Variants in SKA2 observed in about 807,000 individuals in gnomAD.
SKA2 encodes spindle and kinetochore-associated protein 2.
SKA2 carries 13 observed loss-of-function variants against 16.9 expected under a neutral mutation model. The observed-to-expected ratio is 0.77, with a 90% CI of 0.50 to 1.22. The LOEUF (loss-of-function observed/expected upper bound fraction) is 1.22, where lower values mean the gene tolerates loss of function less well. Ranked by LOEUF, SKA2 falls within the 50% of genes most tolerant of loss-of-function variation. SKA2 has a pLI of 0.00. For synonymous variants in SKA2, 47 were observed against 48.5 expected, an observed-to-expected ratio of 0.97 and a Z score of 0.13; for missense variants, 107 against 139.7, an observed-to-expected ratio of 0.77 and a Z score of 1.18.
At chr17:59,126,027 C>T (rs1368276212) in intron 2 of SKA2, among the ~76,000 whole-genome samples, 4 of 151,960 alleles carry the variant, frequency 2.6e-5, no homozygotes, top group South Asian at 2.1e-4. Flanking sequence ...AAAAATTAGC[C>T]GGGCTTGGTG....
chr17:59,112,928 A>G (rs954553851), intron 3 of SKA2, among the ~76,000 whole-genome samples: 4 of 151,976 alleles, frequency 2.6e-5, no homozygotes, highest in East Asian at 3.9e-4. Flanking sequence ...TTTGTTTTCT[A>G]TTTTTGAAAC....
intron 1 of SKA2, among the ~76,000 whole-genome samples, chr17:59,137,561 G>C (rs1170555877): frequency 6.6e-6 from 1 of 152,060 alleles, no homozygotes; most frequent in Non-Finnish European, 1.5e-5. Context: ...TGGAATCTAA[G>C]ATCCTTTTCA....
chr17:59,143,575 T>C (rs2046508905), intron 1 of SKA2, among the ~76,000 whole-genome samples: 1 of 151,932 alleles, frequency 6.6e-6, no homozygotes. Context: ...GGTTTCACCA[T>C]GTTGGCCAGG....
At chr17:59,131,422 G>A in intron 1 of SKA2, 55 bp from the exon 2 acceptor site, 1 of 1,155,320 alleles carries the variant, frequency 8.7e-7, no homozygotes. Context: ...TAGTAAACAT[G>A]ATACTTTATT....
intron 1 of SKA2, among the ~76,000 whole-genome samples, chr17:59,153,696 C>T (rs1444193856): frequency 2.0e-5 from 3 of 152,208 alleles, no homozygotes; most frequent in African/African-American, 7.2e-5. Flanking sequence ...CAAAGGATAC[C>T]TAAGCAGTAA....
chr17:59,140,777 A>AT (rs34547204), intron 1 of SKA2, among the ~76,000 whole-genome samples: 35,328 of 129,872 alleles, frequency 0.27, 4,948 homozygotes, highest in African/African-American at 0.36. Flanking sequence ...CACCCGCCTA[A>AT]TTTTTTTTTT....
intron 3 of SKA2, among the ~76,000 whole-genome samples, chr17:59,119,037 C>A (rs1055998568): frequency 6.6e-6 from 1 of 152,166 alleles, no homozygotes; most frequent in Non-Finnish European, 1.5e-5. Flanking sequence ...CTAGTACTTA[C>A]AGGAACCAGC....
chr17:59,120,330 A>C (rs2046324152), intron 2 of SKA2, among the ~76,000 whole-genome samples: 1 of 152,136 alleles, frequency 6.6e-6, no homozygotes, highest in Non-Finnish European at 1.5e-5. Flanking sequence ...GGTTTTCCAG[A>C]TTTATTTTGT....
chr17:59,121,388 C>T (rs931377767), intron 2 of SKA2, among the ~76,000 whole-genome samples: 4 of 152,102 alleles, frequency 2.6e-5, no homozygotes, highest in African/African-American at 9.7e-5. Context: ...GGCGCAGTGG[C>T]TCATGACTGT....
intron 3 of SKA2, chr17:59,118,272 AG>A: frequency 6.6e-6 from 1 of 152,618 alleles, no homozygotes; most frequent in Non-Finnish European, 1.5e-5. Flanking sequence ...ATCTCAAAAA[AG>A]AAAAAAAATC....
intron 3 of SKA2, among the ~76,000 whole-genome samples, chr17:59,116,151 ACTTG>A (rs1165856561): frequency 6.6e-6 from 1 of 152,146 alleles, no homozygotes; most frequent in Non-Finnish European, 1.5e-5. Context: ...CAGGTGGATC[ACTTG>A]CAGTCAGGAG....
intron 2 of SKA2, among the ~76,000 whole-genome samples, chr17:59,121,021 G>A (rs1267297934): frequency 6.6e-6 from 1 of 151,754 alleles, no homozygotes; most frequent in African/African-American, 2.4e-5. Context: ...GCATTGTGGC[G>A]GGCACCTGTA....
chr17:59,148,568 G>A (rs572500138), intron 1 of SKA2, among the ~76,000 whole-genome samples: 10 of 151,772 alleles, frequency 6.6e-5, no homozygotes, highest in Non-Finnish European at 1.0e-4. Context: ...ACAGTCTTGC[G>A]CCACCACACC....
chr17:59,137,748 C>A (rs749896786), intron 1 of SKA2: 1 of 524,096 alleles, frequency 1.9e-6, no homozygotes, highest in Admixed American at 2.0e-5. Context: ...CTGCTACATA[C>A]TTTCTGCAGC....
chr17:59,147,625 CT>C lies in SKA2; in HGVS notation c.33+7505del, dbSNP rs910746893. On this transcript the variant is annotated intron_variant, in intron 1 of 3. Coordinates refer to ENST00000330137, the MANE Select transcript of SKA2 (RefSeq NM_182620.4). ...CCATGTTGTAACTGTTCTTGATCTACTTTTTTTTTTTTAATTTTATTAGAGA... is the reference window on the plus strand; with the variant it reads ...CCATGTTGTAACTGTTCTTGATCTACTTTTTTTTTTTAATTTTATTAGAGA... Among the ~76,000 whole-genome samples the C allele has an allele frequency of 1.1e-3, 157 of 144,688 alleles. 1 individual carries two copies. The highest frequency in any genetic ancestry group is 1.4e-3 in the Admixed American group (20 of 14,350). The allele number at this position is 144,688 out of a possible 152,430, so 94.9% of individuals were successfully genotyped here.
intron 3 of SKA2, among the ~76,000 whole-genome samples, chr17:59,118,874 C>T (rs975316734): frequency 6.6e-6 from 1 of 152,114 alleles, no homozygotes; most frequent in Non-Finnish European, 1.5e-5. Context: ...TATCTTAAGC[C>T]AAAATTTAGT....
At chr17:59,117,672 G>A (rs2046306010) in intron 3 of SKA2, among the ~76,000 whole-genome samples, 1 of 149,324 alleles carries the variant, frequency 6.7e-6, no homozygotes, top group Non-Finnish European at 1.5e-5. Context: ...TGATCCTCCT[G>A]CCTTGGCCTC....
chr17:59,126,352 G>A (rs574578442), intron 2 of SKA2, among the ~76,000 whole-genome samples: 1 of 152,182 alleles, frequency 6.6e-6, no homozygotes, highest in East Asian at 1.9e-4. Context: ...TCCAAATCAC[G>A]AGGGGTACTA....
chr17:59,153,697 T>C (rs1331295253), intron 1 of SKA2, among the ~76,000 whole-genome samples: 4 of 152,094 alleles, frequency 2.6e-5, no homozygotes, highest in African/African-American at 9.7e-5. Flanking sequence ...AAAGGATACC[T>C]AAGCAGTAAT....
Sources: gnomAD v4.1 joint callset for allele counts (sites outside exome capture counted in the v4.1 genomes callset) on GRCh38, gnomAD v4.1.1 for gene constraint, MANE v1.5 for transcripts, NCBI Gene and HGNC (gene_info 2026-07-23, HGNC 2026-07-21) for gene names.